MDM1: variants seen among roughly 807,000 people sequenced by gnomAD.
MDM1 encodes the protein Mdm1 nuclear protein.
Under a neutral mutation model 89.1 loss-of-function variants are expected in MDM1, and 61 were observed. The observed-to-expected ratio is 0.68, with a 90% CI of 0.56 to 0.85. MDM1 has a LOEUF of 0.85. Among genes scored for constraint, MDM1 ranks in the 40% least tolerant of loss-of-function variants. The probability of loss-of-function intolerance (pLI) is 0.00; values close to 1 mark genes in which losing one functional copy is unlikely to be tolerated. For missense variants in MDM1, 820 were observed against 846.5 expected, an observed-to-expected ratio of 0.97 and a Z score of 0.39; for synonymous variants, 290 against 294.1, an observed-to-expected ratio of 0.99 and a Z score of 0.14.
chr12:68,331,691 G>A (rs1323235208), intron 1 of MDM1, among the ~76,000 whole-genome samples: 1 of 152,168 alleles, frequency 6.6e-6, no homozygotes, highest in Non-Finnish European at 1.5e-5. Flanking sequence ...GATGTGGGAC[G>A]CTGTGGCCAC....
At chr12:68,303,814 T>G (rs577208728) in intron 12 of MDM1, among the ~76,000 whole-genome samples, 2 of 152,336 alleles carry the variant, frequency 1.3e-5, no homozygotes, top group African/African-American at 4.8e-5. Context: ...CCTCAAAAAT[T>G]TAACAGTGGA....
Position 68,326,657 on chromosome 12 carries a change from C to T in MDM1, c.498G>A (p.Gly166=), listed in dbSNP as rs1428470972. 1.9e-6 allele frequency: 3 copies of T among 1,613,914 alleles called. No individual in the cohort carries two copies. Among genetic ancestry groups the T allele is most frequent in the Non-Finnish European group, 2.5e-6 (3 of 1,179,992 alleles). ...AAAGAAATGCAGTGAATATGCCTACCCCATTATCTACATTTTCTGAAAGAA... is the reference window on the plus strand; with the variant it reads ...AAAGAAATGCAGTGAATATGCCTACTCCATTATCTACATTTTCTGAAAGAA... ...TKVLSENVDN[G]LDRLLRKKAG... The change falls in exon 3 of 15, where the codon GGG becomes GGA. Residue 166 remains glycine (G), a splice_region_variant and synonymous_variant. Coordinates refer to ENST00000682720, the MANE Select transcript of MDM1 (RefSeq NM_001354969.2).
intron 2 of MDM1, 76 bp from the exon 3 acceptor site, chr12:68,327,097 G>C: frequency 2.0e-6 from 3 of 1,485,150 alleles, no homozygotes; most frequent in South Asian, 1.4e-5. Context: ...AACACTTGTG[G>C]AGGAGAAATG....
intron 8 of MDM1, 32 bp downstream of exon 8, chr12:68,316,549 T>C (rs1252410907): frequency 1.3e-6 from 2 of 1,507,300 alleles, no homozygotes; most frequent in Non-Finnish European, 1.8e-6. Context: ...TAATCTATGA[T>C]TATAGTTTTT....
At chr12:68,325,612 A>G in intron 3 of MDM1, 37 bp from the exon 4 acceptor site, 2 of 1,463,592 alleles carry the variant, frequency 1.4e-6, no homozygotes, top group Non-Finnish European at 1.8e-6. Flanking sequence ...AGACATTAAA[A>G]ATTTCTATTC....
intron 12 of MDM1, among the ~76,000 whole-genome samples, chr12:68,304,586 C>CT (rs200134795): frequency 5.9e-5 from 9 of 151,480 alleles, no homozygotes; most frequent in East Asian, 1.9e-4. Flanking sequence ...AGAAATTGTT[C>CT]TTTTTTTTTC....
chr12:68,313,670 T>C lies in MDM1; in HGVS notation c.1613A>G (p.His538Arg), dbSNP rs200373084. 12 of 1,614,186 alleles carry C rather than the reference T, an allele frequency of 7.4e-6. No individual in the cohort carries two copies. Among genetic ancestry groups the C allele is most frequent in the Middle Eastern group, 3.3e-4 (2 of 6,062 alleles). Reference protein sequence around the residue: ...LRELGGIQRTHHDLTTPAVGG... With the variant: ...LRELGGIQRTRHDLTTPAVGG... Reference sequence around the variant, plus strand: ...AACAGCTGGAGTAGTGAGATCATGATGAGTCCTCTGGATTCCACCAAGTTC... The same window carrying C: ...AACAGCTGGAGTAGTGAGATCATGACGAGTCCTCTGGATTCCACCAAGTTC... The change falls in exon 11 of 15, where the codon CAT (histidine) becomes CGT (arginine). Residue 538 changes from histidine (H) to arginine (R), a missense_variant. Coordinates refer to ENST00000682720, the MANE Select transcript of MDM1 (RefSeq NM_001354969.2).
chr12:68,327,260 A>T lies in MDM1; in HGVS notation c.134-239T>A, dbSNP rs962977. On this transcript the variant is annotated intron_variant, in intron 2 of 14. Coordinates refer to ENST00000682720, the MANE Select transcript of MDM1 (RefSeq NM_001354969.2). ...TGACCATAACAAAAAATTAAAAATC[A>T]GGGGGTCACAAAATGTTCCAGTTAT... 1 of 1,402,350 alleles carries T rather than the reference A, an allele frequency of 7.1e-7. No homozygotes were observed. Among genetic ancestry groups the T allele is most frequent in the Non-Finnish European group, 9.2e-7 (1 of 1,081,996 alleles). The allele number at this position is 1,402,350 out of a possible 1,614,324, so 86.9% of individuals were successfully genotyped here.
At chr12:68,303,245 A>G (rs1399546716) in intron 12 of MDM1, among the ~76,000 whole-genome samples, 1 of 152,234 alleles carries the variant, frequency 6.6e-6, no homozygotes, top group East Asian at 1.9e-4. Flanking sequence ...AATCACAAAC[A>G]GCAAACGTAT....
intron 10 of MDM1, 71 bp downstream of exon 10, chr12:68,314,877 T>C (rs1874240324): frequency 3.9e-6 from 5 of 1,288,428 alleles, no homozygotes; most frequent in Admixed American, 2.0e-5. Flanking sequence ...TAAACCACTA[T>C]ATTTAGTGAC....
rs186816054 is a variant in MDM1 at position 68,300,828 on chromosome 12, C to G, written c.2002+1792G>C. On this transcript the variant is annotated intron_variant, in intron 13 of 14. Transcript: ENST00000682720. ...AACAAATGGACTTAACAGATATTTA[C>G]AAAACATTCTACCCAACAATTGTAG... Among the ~76,000 whole-genome samples, 176 of 152,304 alleles carry G rather than the reference C, an allele frequency of 1.2e-3. 1 individual carries two copies. The highest frequency in any genetic ancestry group is 1.0e-4 in the Non-Finnish European group (7 of 68,010).
intron 1 of MDM1, among the ~76,000 whole-genome samples, chr12:68,331,706 G>C (rs1013784720): frequency 2.6e-5 from 4 of 152,196 alleles, no homozygotes; most frequent in African/African-American, 9.7e-5. Context: ...GGCCACCTGT[G>C]AAGTTGCAGG....
chr12:68,304,324 C>T (rs1463650429), intron 12 of MDM1, among the ~76,000 whole-genome samples: 2 of 152,090 alleles, frequency 1.3e-5, no homozygotes, highest in Non-Finnish European at 2.9e-5. Context: ...CCAAACTTTC[C>T]TGATTATTTC....
At chr12:68,323,691 G>A (rs950955336) in intron 4 of MDM1, among the ~76,000 whole-genome samples, 4 of 152,064 alleles carry the variant, frequency 2.6e-5, no homozygotes, top group Admixed American at 2.0e-4. Context: ...AAAATGTTCT[G>A]AGCAATTACT....
intron 5 of MDM1, 28 bp downstream of exon 5, chr12:68,323,045 T>C: frequency 6.4e-7 from 1 of 1,572,724 alleles, no homozygotes; most frequent in Non-Finnish European, 8.6e-7. Flanking sequence ...GGGGATTTTG[T>C]TTTGTAAGGT....
intron 12 of MDM1, among the ~76,000 whole-genome samples, chr12:68,306,899 A>C (rs908414527): frequency 2.6e-5 from 4 of 152,236 alleles, no homozygotes; most frequent in Non-Finnish European, 5.9e-5. Context: ...TCATAGGTTT[A>C]TTCCAGCACT....
chr12:68,313,775 G>A, intron 10 of MDM1, 22 bp from the exon 11 acceptor site: 1 of 1,485,742 alleles, frequency 6.7e-7, no homozygotes, highest in Non-Finnish European at 9.4e-7. Context: ...AACAATCTAT[G>A]AATCTATACA....
intron 14 of MDM1, 28 bp downstream of exon 14, chr12:68,296,895 C>T (rs759742934): frequency 2.7e-5 from 42 of 1,529,354 alleles, no homozygotes; most frequent in Non-Finnish European, 3.4e-5. Flanking sequence ...AGAACTCAAA[C>T]TTTTATGTTA....
chr12:68,326,815 T>C lies in MDM1; in HGVS notation c.340A>G (p.Arg114Gly). ...QERVHSLEAS[R>G]VPKRTRSHSA... ...TGAGATCTGGTTCTTTTGGGAACCC[T>C]GGAAGCTTCTAGTGAGTGAACTCTT... The change falls in exon 3 of 15, where the codon AGG (arginine) becomes GGG (glycine). Residue 114 changes from arginine (R) to glycine (G), a missense_variant. By Grantham distance (125) the Arg-to-Gly change is moderately radical. Coordinates refer to ENST00000682720, the MANE Select transcript of MDM1 (RefSeq NM_001354969.2). 1 of 1,613,862 alleles carries C rather than the reference T, an allele frequency of 6.2e-7. No homozygotes were observed. The highest frequency in any genetic ancestry group is 8.5e-7 in the Non-Finnish European group (1 of 1,179,822).
Sources: gnomAD v4.1 joint callset for allele counts (sites outside exome capture counted in the v4.1 genomes callset) on GRCh38, gnomAD v4.1.1 for gene constraint, MANE v1.5 for transcripts, NCBI Gene and HGNC (gene_info 2026-07-23, HGNC 2026-07-21) for gene names.